The following NPAS3 variants were observed in gnomAD, a reference collection of about 807,000 sequenced individuals.
NPAS3 encodes neuronal PAS domain-containing protein 3.
Under a neutral mutation model 73.1 loss-of-function variants are expected in NPAS3, and 14 were observed. The ratio of observed to expected loss-of-function variants is 0.19; its 90% CI spans 0.13 to 0.30. NPAS3 has a LOEUF of 0.30. Among genes scored for constraint, NPAS3 ranks in the 10% least tolerant of loss-of-function variants. The pLI is 1.00. For missense variants in NPAS3, 1,096 were observed against 1,250.0 expected (o/e 0.88, Z 1.86); for synonymous variants, 620 against 541.5 (o/e 1.14, Z -2.01).
At chr14:32,962,263 G>GT (rs2036954977) in intron 1 of NPAS3, among the ~76,000 whole-genome samples, 1 of 152,122 alleles carries the variant, frequency 6.6e-6, no homozygotes, top group African/African-American at 2.4e-5. Context: ...ATTGAAAAAC[G>GT]TAAGACTAGA....
chr14:33,540,256 C>CT (rs1200286955), intron 4 of NPAS3, among the ~76,000 whole-genome samples: 3 of 152,002 alleles, frequency 2.0e-5, no homozygotes, highest in South Asian at 2.1e-4. Flanking sequence ...AATCTCTGTG[C>CT]TTTTTTTTCT....
At chr14:33,571,009 C>T (rs1175974013) in intron 5 of NPAS3, among the ~76,000 whole-genome samples, 3 of 152,108 alleles carry the variant, frequency 2.0e-5, no homozygotes, top group Non-Finnish European at 4.4e-5. Context: ...GTGCCAAGTA[C>T]GAGTATTTCT....
intron 4 of NPAS3, among the ~76,000 whole-genome samples, chr14:33,376,130 G>T (rs1017351785): frequency 2.6e-5 from 4 of 152,080 alleles, no homozygotes; most frequent in African/African-American, 7.2e-5. Flanking sequence ...TCAAACAGAG[G>T]TTGATTGTAA....
At chr14:33,226,384 T>G (rs1157353427) in intron 3 of NPAS3, among the ~76,000 whole-genome samples, 1 of 152,192 alleles carries the variant, frequency 6.6e-6, no homozygotes, top group African/African-American at 2.4e-5. Context: ...TGGTTTAAAG[T>G]ATGTTGTGAC....
chr14:33,422,503 G>A (rs540508210), intron 4 of NPAS3, among the ~76,000 whole-genome samples: 6 of 151,990 alleles, frequency 3.9e-5, no homozygotes, highest in African/African-American at 7.2e-5. Flanking sequence ...TGTCCCTATG[G>A]TGATTCTAAG....
At chr14:33,320,707 A>C (rs1485262327) in intron 3 of NPAS3, among the ~76,000 whole-genome samples, 1 of 152,214 alleles carries the variant, frequency 6.6e-6, no homozygotes, top group African/African-American at 2.4e-5. Flanking sequence ...CATTCAGTGC[A>C]TGTTCAATAC....
intron 2 of NPAS3, among the ~76,000 whole-genome samples, chr14:33,124,692 C>G (rs1004405873): frequency 1.3e-5 from 2 of 152,008 alleles, no homozygotes; most frequent in African/African-American, 4.8e-5. Context: ...AACCTTAACT[C>G]AGGAGAGGAA....
At chr14:33,580,201 C>G (rs568229749) in intron 5 of NPAS3, among the ~76,000 whole-genome samples, 1 of 150,244 alleles carries the variant, frequency 6.7e-6, no homozygotes, top group Admixed American at 6.6e-5. Context: ...AATGGGCTTA[C>G]ATATGCACAA....
At chr14:33,258,241 A>G (rs1366906578) in intron 3 of NPAS3, among the ~76,000 whole-genome samples, 2 of 152,102 alleles carry the variant, frequency 1.3e-5, no homozygotes, top group Non-Finnish European at 2.9e-5. Flanking sequence ...TACTAAAAAT[A>G]TGAAAATTAG....
intron 4 of NPAS3, among the ~76,000 whole-genome samples, chr14:33,411,924 C>T (rs186211405): frequency 6.6e-6 from 1 of 152,248 alleles, no homozygotes; most frequent in Admixed American, 6.5e-5. Flanking sequence ...ACTTTCATGG[C>T]AGGCCACCAG....
intron 4 of NPAS3, among the ~76,000 whole-genome samples, chr14:33,557,439 G>A (rs572633045): frequency 6.6e-6 from 1 of 152,318 alleles, no homozygotes; most frequent in East Asian, 1.9e-4. Context: ...TCAAAAGCAA[G>A]GGGTGATGTT....
chr14:33,799,937 G>A (rs751400855), exon 12 of NPAS3: 4 of 1,614,136 alleles, frequency 2.5e-6, no homozygotes, highest in East Asian at 2.2e-5. Context: ...CAAGGCGGGC[G>A]AGGACGGCTT....
chr14:33,593,075 G>A (rs1220539475), intron 5 of NPAS3, among the ~76,000 whole-genome samples: 1 of 151,944 alleles, frequency 6.6e-6, no homozygotes, highest in Non-Finnish European at 1.5e-5. Flanking sequence ...CACATGGAGG[G>A]GTCATATCAC....
chr14:33,781,660 T>C (rs2062982717), intron 9 of NPAS3, among the ~76,000 whole-genome samples: 1 of 152,256 alleles, frequency 6.6e-6, no homozygotes, highest in South Asian at 2.1e-4. Context: ...CCTAGAGCTA[T>C]TGGCACAATT....
intron 1 of NPAS3, among the ~76,000 whole-genome samples, chr14:32,994,630 G>GTTTTTTTTTTTTTTTTTTTT (rs777136450): frequency 2.4e-5 from 3 of 123,600 alleles, no homozygotes; most frequent in African/African-American, 7.2e-5. Flanking sequence ...TTGTTTGTTT[G>GTTTTTTTTTTTTTTTTTTTT]TTTTTGTTTT....
At chr14:33,251,955 A>G (rs1423530423) in intron 3 of NPAS3, among the ~76,000 whole-genome samples, 1 of 151,882 alleles carries the variant, frequency 6.6e-6, no homozygotes, top group Admixed American at 6.6e-5. Flanking sequence ...TTCGTTGTCT[A>G]CGTTTACTTC....
At position 33,608,877 on chromosome 14, in the gene NPAS3, G is replaced by A. The variant is rs1595267879; in HGVS notation, c.558+48667G>A. ...GATTTCCAGTGCATGCTATATTCAA[G>A]TCATCCAGTCACAAATAACCTCAAA... On this transcript the variant is annotated intron_variant, in intron 5 of 11. Coordinates refer to ENST00000356141, the Ensembl canonical transcript of NPAS3. Among the ~76,000 whole-genome samples the A allele has an allele frequency of 2.6e-5, 4 of 152,210 alleles. No individual in the cohort carries two copies. In the South Asian group the frequency reaches 8.3e-4, roughly 32 times the overall value.
intron 2 of NPAS3, among the ~76,000 whole-genome samples, chr14:33,202,555 C>G (rs61972683): frequency 6.6e-6 from 1 of 151,918 alleles, no homozygotes; most frequent in African/African-American, 2.4e-5. Context: ...GAGGACTGAG[C>G]CTTTTTTTTA....
rs910692230 is a variant in NPAS3 at position 32,988,830 on chromosome 14, C to T, written c.50+49464C>T. Among the ~76,000 whole-genome samples, 5 of 152,208 alleles carry T rather than the reference C, an allele frequency of 3.3e-5. No homozygotes were observed. In the South Asian group the frequency reaches 1.0e-3, roughly 31 times the overall value. ...AAGACCTTCCAATTTATACTTTTCTCTAAATTTATTTATTCTATATCTCCA... is the reference window on the plus strand; with the variant it reads ...AAGACCTTCCAATTTATACTTTTCTTTAAATTTATTTATTCTATATCTCCA... On this transcript the variant is annotated intron_variant, in intron 1 of 11. Transcript: ENST00000356141.
Sources: gnomAD v4.1 joint callset for allele counts (sites outside exome capture counted in the v4.1 genomes callset) on GRCh38, gnomAD v4.1.1 for gene constraint, MANE v1.5 for transcripts, NCBI Gene and HGNC (gene_info 2026-07-23, HGNC 2026-07-21) for gene names.